The following GRIP1 variants were observed in gnomAD, a reference collection of about 807,000 sequenced individuals.
GRIP1 encodes the protein glutamate receptor-interacting protein 1.
In GRIP1, 45 loss-of-function variants were observed where a neutral mutation model predicts 129.9. The observed-to-expected ratio is 0.35, with a 90% CI of 0.27 to 0.44. The LOEUF (loss-of-function observed/expected upper bound fraction) is 0.44, where lower values mean the gene tolerates loss of function less well. Among genes scored for constraint, GRIP1 ranks in the 20% least tolerant of loss-of-function variants. GRIP1 has a pLI of 1.00. For synonymous variants in GRIP1, 530 were observed against 520.8 expected, an observed-to-expected ratio of 1.02 and a Z score of -0.24; for missense variants, 1,196 against 1,396.8, an observed-to-expected ratio of 0.86 and a Z score of 2.29.
intron 1 of GRIP1, among the ~76,000 whole-genome samples, chr12:66,699,370 T>C (rs544358035): frequency 6.6e-6 from 1 of 152,272 alleles, no homozygotes; most frequent in Non-Finnish European, 1.5e-5. Context: ...GAATTGTAGC[T>C]CCCATAATTC....
chr12:66,923,539 C>A (rs1009565821), intron 1 of GRIP1, among the ~76,000 whole-genome samples: 3 of 152,084 alleles, frequency 2.0e-5, no homozygotes, highest in South Asian at 2.1e-4. Context: ...CCTTTATCTA[C>A]CCCCACTCAA....
intron 15 of GRIP1, among the ~76,000 whole-genome samples, chr12:66,415,996 A>T (rs189919219): frequency 3.1e-4 from 47 of 152,242 alleles, no homozygotes; most frequent in African/African-American, 9.9e-4. Flanking sequence ...TGATAGGTTG[A>T]TCTGTGCAGC....
At chr12:66,541,286 C>T (rs971128171) in intron 3 of GRIP1, among the ~76,000 whole-genome samples, 1 of 152,188 alleles carries the variant, frequency 6.6e-6, no homozygotes, top group Non-Finnish European at 1.5e-5. Context: ...CTCCTCTAAG[C>T]CTTCTGTCCT....
intron 1 of GRIP1, among the ~76,000 whole-genome samples, chr12:66,954,039 G>A (rs775705299): frequency 1.3e-5 from 2 of 152,060 alleles, no homozygotes; most frequent in African/African-American, 2.4e-5. Context: ...ATTCTCCACC[G>A]ACTCCTCTGC....
At chr12:66,743,439 C>G (rs1233089184) in intron 1 of GRIP1, among the ~76,000 whole-genome samples, 1 of 151,864 alleles carries the variant, frequency 6.6e-6, no homozygotes. Flanking sequence ...GAGGAGGAAC[C>G]CTTTCAGAAG....
At chr12:66,899,910 T>A (rs929142197) in intron 1 of GRIP1, among the ~76,000 whole-genome samples, 4 of 152,150 alleles carry the variant, frequency 2.6e-5, no homozygotes, top group African/African-American at 9.6e-5. Flanking sequence ...AGTCTATATA[T>A]GTGATTTTCA....
chr12:66,363,059 C>T (rs2054871629), intron 23 of GRIP1, among the ~76,000 whole-genome samples: 2 of 150,718 alleles, frequency 1.3e-5, no homozygotes, highest in Non-Finnish European at 2.9e-5. Flanking sequence ...CTTATTCCAA[C>T]ATTTCTTTTC....
At chr12:66,480,855 C>A (rs546502569) in intron 7 of GRIP1, among the ~76,000 whole-genome samples, 1 of 152,240 alleles carries the variant, frequency 6.6e-6, no homozygotes, top group African/African-American at 2.4e-5. Context: ...AACTGGCTAG[C>A]CATACACAGA....
chr12:66,958,951 T>C (rs2041883568), intron 1 of GRIP1, among the ~76,000 whole-genome samples: 1 of 152,232 alleles, frequency 6.6e-6, no homozygotes, highest in Non-Finnish European at 1.5e-5. Flanking sequence ...TTGTTATTGT[T>C]ACTTTTTAAA....
rs1000396499 is a variant in GRIP1 at position 66,584,014 on chromosome 12, T to A, written c.136+12833A>T. Among the ~76,000 whole-genome samples the A allele has an allele frequency of 2.8e-5, 4 of 144,702 alleles. 1 individual carries two copies. The highest frequency in any genetic ancestry group is 6.1e-5 in the Non-Finnish European group (4 of 65,364). 94.9% of individuals were successfully genotyped at this position (144,702 alleles called of 152,430 possible). A position where few individuals can be genotyped will look rare whatever the true frequency, so the allele number is the denominator to read the frequency against. On this transcript the variant is annotated intron_variant, in intron 2 of 24. Transcript: ENST00000359742. ...CAAAGACTTGCAACCAACCCAAATGTCCAACAATGATAGACTGGATTAAGA... is the reference window on the plus strand; with the variant it reads ...CAAAGACTTGCAACCAACCCAAATGACCAACAATGATAGACTGGATTAAGA...
At chr12:66,544,533 T>C (rs1371247155) in intron 2 of GRIP1, among the ~76,000 whole-genome samples, 1 of 152,174 alleles carries the variant, frequency 6.6e-6, no homozygotes, top group Admixed American at 6.6e-5. Flanking sequence ...TTTTACAATT[T>C]TGTCTTCTAG....
chr12:66,463,707 C>A (rs1019390463), intron 8 of GRIP1, among the ~76,000 whole-genome samples: 1 of 151,990 alleles, frequency 6.6e-6, no homozygotes, highest in Non-Finnish European at 1.5e-5. Flanking sequence ...GTAATAAAAC[C>A]AGGCCTGCAT....
chr12:66,892,480 C>T (rs181771563), intron 1 of GRIP1, among the ~76,000 whole-genome samples: 1 of 152,100 alleles, frequency 6.6e-6, no homozygotes, highest in Non-Finnish European at 1.5e-5. Context: ...CCAATGAGAG[C>T]AAGTTACATA....
At chr12:66,750,091 T>C (rs558652617) in intron 1 of GRIP1, among the ~76,000 whole-genome samples, 5 of 152,290 alleles carry the variant, frequency 3.3e-5, no homozygotes, top group Admixed American at 1.3e-4. Flanking sequence ...CCATAGGATG[T>C]GTTCACACAT....
intron 1 of GRIP1, among the ~76,000 whole-genome samples, chr12:67,042,618 A>G (rs2043197077): frequency 6.6e-6 from 1 of 152,144 alleles, no homozygotes; most frequent in South Asian, 2.1e-4. Context: ...TTGAATTTAA[A>G]TATCTTTACA....
At chr12:66,908,060 T>C (rs990971283) in intron 1 of GRIP1, among the ~76,000 whole-genome samples, 4 of 152,240 alleles carry the variant, frequency 2.6e-5, no homozygotes, top group Non-Finnish European at 5.9e-5. Context: ...TTTAAGAACT[T>C]TGTTAAACTT....
At chr12:66,610,209 C>CAT (rs146198031) in intron 1 of GRIP1, among the ~76,000 whole-genome samples, 14,031 of 151,892 alleles carry the variant, frequency 0.092, 872 homozygotes, top group Non-Finnish European at 0.14. Context: ...GGAATATATA[C>CAT]ATATATATAC....
At chr12:66,694,620 G>A (rs187264674) in intron 1 of GRIP1, among the ~76,000 whole-genome samples, 1 of 152,116 alleles carries the variant, frequency 6.6e-6, no homozygotes, top group Non-Finnish European at 1.5e-5. Flanking sequence ...TACATTATTA[G>A]TAAAGTATTT....
intron 1 of GRIP1, among the ~76,000 whole-genome samples, chr12:66,884,439 G>C (rs940112262): frequency 1.3e-5 from 2 of 152,192 alleles, no homozygotes; most frequent in African/African-American, 4.8e-5. Context: ...TAGGATAAAT[G>C]ATACATTTAT....
Sources: gnomAD v4.1 joint callset for allele counts (sites outside exome capture counted in the v4.1 genomes callset) on GRCh38, gnomAD v4.1.1 for gene constraint, MANE v1.5 for transcripts, NCBI Gene and HGNC (gene_info 2026-07-23, HGNC 2026-07-21) for gene names.